BICDL1: variants seen among roughly 807,000 people sequenced by gnomAD.
BICDL1 encodes the protein BICD family like cargo adaptor 1, also known as BICD family-like cargo adapter 1.
In BICDL1, 20 loss-of-function variants were observed where a neutral mutation model predicts 76.8. The ratio of observed to expected loss-of-function variants is 0.26; its 90% CI spans 0.18 to 0.38. The LOEUF (loss-of-function observed/expected upper bound fraction) is 0.38, where lower values mean the gene tolerates loss of function less well. BICDL1 is among the 10% of genes least tolerant of loss of function. The pLI, the probability that BICDL1 is intolerant of heterozygous loss-of-function variation, is 1.00. For synonymous variants in BICDL1, 383 were observed against 337.1 expected, an observed-to-expected ratio of 1.14 and a Z score of -1.49; for missense variants, 700 against 798.6, an observed-to-expected ratio of 0.88 and a Z score of 1.49.
intron 2 of BICDL1, among the ~76,000 whole-genome samples, chr12:120,042,781 G>C (rs192399633): frequency 6.6e-6 from 1 of 151,242 alleles, no homozygotes; most frequent in East Asian, 2.0e-4. Flanking sequence ...CTCCAGCCTG[G>C]GCGACAGAGC....
At chr12:120,051,307 A>G (rs1248346839) in intron 2 of BICDL1, among the ~76,000 whole-genome samples, 1 of 152,144 alleles carries the variant, frequency 6.6e-6, no homozygotes, top group Non-Finnish European at 1.5e-5. Context: ...CAGCCTCCCA[A>G]AGTGCTGGGA....
intron 2 of BICDL1, among the ~76,000 whole-genome samples, chr12:120,003,362 G>A (rs112146206): frequency 6.6e-6 from 1 of 152,150 alleles, no homozygotes; most frequent in South Asian, 2.1e-4. Context: ...AGCAGAGTGG[G>A]CATTCAATAA....
At chr12:120,005,791 T>TA (rs1259913168) in intron 2 of BICDL1, among the ~76,000 whole-genome samples, 1 of 152,200 alleles carries the variant, frequency 6.6e-6, no homozygotes, top group African/African-American at 2.4e-5. Context: ...CATATGGAGG[T>TA]ACCACGGCTA....
chr12:120,053,160 A>G (rs138239151), intron 2 of BICDL1, among the ~76,000 whole-genome samples: 2,483 of 150,240 alleles, frequency 0.017, 71 homozygotes, highest in African/African-American at 0.057. Context: ...GCTCACCACA[A>G]CCTCTGCCTC....
chr12:120,054,783 G>A (rs552928756), intron 2 of BICDL1, among the ~76,000 whole-genome samples: 6 of 152,156 alleles, frequency 3.9e-5, no homozygotes, highest in Non-Finnish European at 8.8e-5. Context: ...AGAAGGCTGA[G>A]GCAGGAGAAT....
chr12:119,990,469 A>T (rs1038617792), intron 1 of BICDL1, among the ~76,000 whole-genome samples, 172 bp downstream of exon 1: 2 of 152,134 alleles, frequency 1.3e-5, no homozygotes, highest in Non-Finnish European at 2.9e-5. Context: ...CGTTGAACCC[A>T]CTTGACTTCC....
chr12:120,007,713 C>T (rs1951876327), intron 2 of BICDL1, among the ~76,000 whole-genome samples: 1 of 152,196 alleles, frequency 6.6e-6, no homozygotes, highest in South Asian at 2.1e-4. Flanking sequence ...TTAAACAGCT[C>T]ATTTTGGATT....
chr12:119,990,232 G>C lies in BICDL1; in HGVS notation c.364G>C (p.Glu122Gln), dbSNP rs1285561782. 7.6e-6 allele frequency: 12 copies of C among 1,576,260 alleles called. No homozygotes were observed. The highest frequency in any genetic ancestry group is 1.0e-5 in the Non-Finnish European group (12 of 1,161,898). Reference sequence around the variant, plus strand: ...GGCCCGGCTGGGTAAGGCGCTGCTCGAGAGGAACCAGGACATGAGCCGGCA... The same window carrying C: ...GGCCCGGCTGGGTAAGGCGCTGCTCCAGAGGAACCAGGACATGAGCCGGCA... The part of the protein sequence containing the change: ...LAARLGKALL[E>Q]RNQDMSRQYE... The change falls in exon 1 of 10, where the codon GAG becomes CAG. Residue 122 changes from glutamate (E) to glutamine (Q), a missense_variant. By Grantham distance (29) the Glu-to-Gln change is conservative. Transcript: ENST00000548673.
At chr12:120,063,469 C>A (rs900618022) in intron 3 of BICDL1, among the ~76,000 whole-genome samples, 1 of 151,790 alleles carries the variant, frequency 6.6e-6, no homozygotes, top group African/African-American at 2.4e-5. Flanking sequence ...GCCCTGTGAG[C>A]AGAATTCTAG....
At position 120,071,698 on chromosome 12, in the gene BICDL1, C is replaced by A. The variant is rs780597636; in HGVS notation, c.986C>A (p.Thr329Asn). The change falls in exon 5 of 10, where the codon ACT becomes AAT. Residue 329 changes from threonine to asparagine, a missense_variant. Thr to Asn is a moderately conservative substitution (Grantham distance 65). Around this residue, in one of 3 missense-constraint regions of BICDL1, gnomAD observed 455 missense variants for 548.7 expected, o/e 0.83. Transcript: ENST00000548673. The surrounding 1 kb of genome is among the most constrained non-coding windows in gnomAD (Gnocchi z 4.8). The stretch of plus-strand genomic sequence containing the variant: ...CTGCAGGTGAAGGTGGAAGAACTCA[C>A]TGAGGAGAGGAGTCTGCAGAGCTCT... ...RQLQVKVEEL[T>N]EERSLQSSAA... 21 of 1,612,612 alleles carry A rather than the reference C, an allele frequency of 1.3e-5. No homozygotes were observed. Among genetic ancestry groups the A allele is most frequent in the Non-Finnish European group, 1.8e-5 (21 of 1,179,868 alleles).
intron 2 of BICDL1, among the ~76,000 whole-genome samples, chr12:120,017,259 G>T (rs1566218445): frequency 1.3e-5 from 2 of 152,152 alleles, no homozygotes; most frequent in Admixed American, 6.5e-5. Context: ...ACTTTTAAAA[G>T]GATTTATATT....
intron 8 of BICDL1, among the ~76,000 whole-genome samples, chr12:120,083,662 T>A (rs1874170875): frequency 7.2e-6 from 1 of 139,300 alleles, no homozygotes; most frequent in South Asian, 2.1e-4. Context: ...TTTATTTATT[T>A]ATTTATTTAT....
At chr12:120,073,065 G>A (rs1873236159) in intron 6 of BICDL1, among the ~76,000 whole-genome samples, 1 of 152,166 alleles carries the variant, frequency 6.6e-6, no homozygotes, top group Admixed American at 6.5e-5. Flanking sequence ...AGTAGACACA[G>A]GGTTTTACCA....
chr12:120,027,123 T>C (rs1272653774), intron 2 of BICDL1, among the ~76,000 whole-genome samples: 1 of 148,600 alleles, frequency 6.7e-6, no homozygotes, highest in Admixed American at 6.9e-5. Flanking sequence ...CTCCGCCTCC[T>C]GGGTTCATGT....
chr12:120,015,490 C>T (rs1952042403), intron 2 of BICDL1, among the ~76,000 whole-genome samples: 1 of 152,304 alleles, frequency 6.6e-6, no homozygotes, highest in East Asian at 1.9e-4. Context: ...TTGATCTCTC[C>T]TACTTACCAA....
At chr12:120,051,830 T>G (rs896439083) in intron 2 of BICDL1, among the ~76,000 whole-genome samples, 1 of 152,224 alleles carries the variant, frequency 6.6e-6, no homozygotes, top group Non-Finnish European at 1.5e-5. Context: ...TTCCCACAAA[T>G]GTTCTTTTTC....
intron 2 of BICDL1, among the ~76,000 whole-genome samples, chr12:120,035,532 G>A (rs1952514820): frequency 6.6e-6 from 1 of 152,112 alleles, no homozygotes; most frequent in Non-Finnish European, 1.5e-5. Flanking sequence ...TGAACAAGTG[G>A]CTGAACTGGG....
At chr12:120,047,430 C>T (rs1023043905) in intron 2 of BICDL1, among the ~76,000 whole-genome samples, 19 of 152,276 alleles carry the variant, frequency 1.2e-4, no homozygotes, top group African/African-American at 2.4e-4. Context: ...TGTATCTTTA[C>T]GGGCCTAACT....
intron 9 of BICDL1, chr12:120,092,261 G>A: frequency 3.0e-6 from 3 of 985,464 alleles, no homozygotes; most frequent in Non-Finnish European, 3.6e-6. Flanking sequence ...ACATGGTGGG[G>A]CGGGCTGTGG....
Sources: allele counts gnomAD v4.1 joint callset (sites outside exome capture counted in the v4.1 genomes callset), GRCh38; gene constraint gnomAD v4.1.1; regional missense constraint gnomAD v4.1.1; non-coding constraint Gnocchi (gnomAD v3.1); transcripts MANE v1.5; gene names NCBI Gene and HGNC (gene_info 2026-07-23, HGNC 2026-07-21).